ARHGAP10: variants seen among roughly 807,000 people sequenced by gnomAD.
The protein encoded by ARHGAP10 is Rho GTPase activating protein 10, also known as rho GTPase-activating protein 10.
In ARHGAP10, 87 loss-of-function variants were observed where a neutral mutation model predicts 108.6. That is an observed-to-expected ratio of 0.80 (90% CI 0.67 to 0.96). The LOEUF (loss-of-function observed/expected upper bound fraction) is 0.96. ARHGAP10 is among the 40% of genes least tolerant of loss of function. ARHGAP10 has a pLI of 0.00. For missense variants in ARHGAP10, 939 were observed against 954.5 expected (o/e 0.98, Z 0.21); for synonymous variants, 347 against 341.1 (o/e 1.02, Z -0.19).
At chr4:147,974,601 T>A (rs1292972123) in intron 18 of ARHGAP10, among the ~76,000 whole-genome samples, 1 of 152,236 alleles carries the variant, frequency 6.6e-6, no homozygotes, top group African/African-American at 2.4e-5. Flanking sequence ...ATGAGATATG[T>A]AAAATGTGCT....
intron 1 of ARHGAP10, among the ~76,000 whole-genome samples, chr4:147,799,600 C>T (rs901728822): frequency 6.6e-6 from 1 of 152,120 alleles, no homozygotes; most frequent in Non-Finnish European, 1.5e-5. Flanking sequence ...TTTCATCCTA[C>T]TATTGAGCAT....
chr4:148,041,570 A>G (rs1420014031), intron 19 of ARHGAP10, among the ~76,000 whole-genome samples: 4 of 152,236 alleles, frequency 2.6e-5, no homozygotes, highest in Admixed American at 2.6e-4. Context: ...AATAAGATAT[A>G]AACATCCTCT....
intron 18 of ARHGAP10, among the ~76,000 whole-genome samples, chr4:147,983,203 T>G (rs1323179155): frequency 2.0e-5 from 3 of 146,648 alleles, no homozygotes; most frequent in East Asian, 3.9e-4. Context: ...TTTTTTTTTT[T>G]GAAGCAGAGT....
At chr4:147,813,182 TAA>T (rs1732102066) in intron 1 of ARHGAP10, among the ~76,000 whole-genome samples, 1 of 152,150 alleles carries the variant, frequency 6.6e-6, no homozygotes, top group Non-Finnish European at 1.5e-5. Flanking sequence ...GTTAATGTAG[TAA>T]AGTCTTCAAA....
intron 3 of ARHGAP10, among the ~76,000 whole-genome samples, chr4:147,842,990 G>T (rs914527329): frequency 6.6e-6 from 1 of 152,166 alleles, no homozygotes; most frequent in African/African-American, 2.4e-5. Flanking sequence ...TTAGTTGGGC[G>T]TGAAACTTCT....
At chr4:147,785,806 A>G (rs914743597) in intron 1 of ARHGAP10, among the ~76,000 whole-genome samples, 4 of 152,154 alleles carry the variant, frequency 2.6e-5, no homozygotes, top group African/African-American at 7.2e-5. Context: ...TTTTAATATA[A>G]TAGATTTCTA....
At chr4:147,996,432 C>T (rs1292414212) in intron 18 of ARHGAP10, among the ~76,000 whole-genome samples, 10 of 152,198 alleles carry the variant, frequency 6.6e-5, no homozygotes. Context: ...CCATCTCATA[C>T]TCTGTCCATC....
chr4:147,838,701 T>C (rs1419242951), intron 3 of ARHGAP10, among the ~76,000 whole-genome samples: 1 of 152,106 alleles, frequency 6.6e-6, no homozygotes, highest in African/African-American at 2.4e-5. Context: ...CCTAGTTAAT[T>C]TTCTGTATTC....
intron 7 of ARHGAP10, among the ~76,000 whole-genome samples, chr4:147,868,726 C>T (rs2126851078): frequency 6.6e-6 from 1 of 152,256 alleles, no homozygotes; most frequent in East Asian, 1.9e-4. Context: ...TTTTCCACCT[C>T]AGGTCATCAG....
intron 18 of ARHGAP10, among the ~76,000 whole-genome samples, chr4:148,019,484 G>A (rs1741481210): frequency 6.6e-6 from 1 of 152,118 alleles, no homozygotes; most frequent in Non-Finnish European, 1.5e-5. Context: ...GGGCATGGTG[G>A]CTCACACCTG....
chr4:148,061,300 C>T (rs897370938), intron 20 of ARHGAP10, among the ~76,000 whole-genome samples: 1 of 152,108 alleles, frequency 6.6e-6, no homozygotes, highest in Non-Finnish European at 1.5e-5. Context: ...CAAAACATCT[C>T]ATCTTCCTCC....
At chr4:148,043,629 ATATATATATATATATATATATATT>A (rs1384159911) in intron 19 of ARHGAP10, among the ~76,000 whole-genome samples, 1 of 99,704 alleles carries the variant, frequency 1.0e-5, no homozygotes, top group East Asian at 5.0e-4. Flanking sequence ...ATATATATAT[ATATATATATATATATATATATATT>A]TTAGGTGTAT....
At chr4:148,006,338 G>T (rs753190500) in intron 18 of ARHGAP10, among the ~76,000 whole-genome samples, 2 of 152,206 alleles carry the variant, frequency 1.3e-5, no homozygotes, top group African/African-American at 4.8e-5. Context: ...CAGACATGAC[G>T]TGGGGAAAAC....
chr4:147,871,200 C>T (rs1432852818), intron 7 of ARHGAP10, among the ~76,000 whole-genome samples: 10 of 152,130 alleles, frequency 6.6e-5, no homozygotes, highest in East Asian at 5.8e-4. Context: ...TCTCGTGATC[C>T]GCCCACCTCG....
At chr4:147,798,759 CT>C (rs1731434286) in intron 1 of ARHGAP10, among the ~76,000 whole-genome samples, 1 of 44,108 alleles carries the variant, frequency 2.3e-5, no homozygotes, top group African/African-American at 9.7e-5. Context: ...CTCTCTCTCT[CT>C]CTCTCTCTCT....
chr4:147,958,068 G>A (rs367913600), intron 16 of ARHGAP10, among the ~76,000 whole-genome samples: 9 of 152,152 alleles, frequency 5.9e-5, no homozygotes, highest in African/African-American at 2.2e-4. Flanking sequence ...TTTATAAGAC[G>A]AAAATGTAGT....
At chr4:147,947,893 G>C (rs1738447073) in intron 15 of ARHGAP10, among the ~76,000 whole-genome samples, 1 of 151,032 alleles carries the variant, frequency 6.6e-6, no homozygotes, top group African/African-American at 2.4e-5. Context: ...TGCTTCTTGA[G>C]TTATCAACAT....
chr4:147,964,850 A>T (rs1560848846), intron 16 of ARHGAP10, among the ~76,000 whole-genome samples, 174 bp from the exon 17 acceptor site: 1 of 151,516 alleles, frequency 6.6e-6, no homozygotes, highest in East Asian at 1.9e-4. Context: ...AAGGAGAAAG[A>T]TTTTTTTTTC....
At chr4:147,990,024 C>G (rs1258885137) in intron 18 of ARHGAP10, among the ~76,000 whole-genome samples, 1 of 152,204 alleles carries the variant, frequency 6.6e-6, no homozygotes, top group Non-Finnish European at 1.5e-5. Flanking sequence ...TTCAGCTGGT[C>G]CCTCCGTTTG....
Sources: gnomAD v4.1 joint callset for allele counts (sites outside exome capture counted in the v4.1 genomes callset) on GRCh38, gnomAD v4.1.1 for gene constraint, MANE v1.5 for transcripts, NCBI Gene and HGNC (gene_info 2026-07-23, HGNC 2026-07-21) for gene names.